PTPRK: variants seen among roughly 807,000 people sequenced by gnomAD.
The protein encoded by PTPRK is protein tyrosine phosphatase receptor type K.
Under a neutral mutation model 178.0 loss-of-function variants are expected in PTPRK, and 75 were observed. The ratio of observed to expected loss-of-function variants is 0.42; its 90% CI spans 0.35 to 0.51. The LOEUF is 0.51. Ranked by LOEUF, PTPRK falls within the 20% of genes least tolerant of loss-of-function variation. The probability of loss-of-function intolerance (pLI) is 0.02; values close to 1 mark genes in which losing one functional copy is unlikely to be tolerated. For synonymous variants in PTPRK, 637 were observed against 620.6 expected (o/e 1.03, Z -0.39); for missense variants, 1,441 against 1,797.8 (o/e 0.80, Z 3.59).
intron 2 of PTPRK, among the ~76,000 whole-genome samples, chr6:128,380,972 C>A (rs937324492): frequency 6.6e-6 from 1 of 151,382 alleles, no homozygotes; most frequent in Non-Finnish European, 1.5e-5. Flanking sequence ...AAATATATGA[C>A]AATAAACTCT....
In PTPRK at chr6:127,976,907, A is replaced by G. The variant is rs1774670864; in HGVS notation, c.3843+16T>C. On this transcript the variant is annotated intron_variant, in intron 26 of 29. Coordinates refer to ENST00000368226, the MANE Select transcript of PTPRK (RefSeq NM_002844.4). ...AGTTGTATATAAGTACATAAAAGCA[A>G]TCCATAGCCATTAACCTGGGACAAG... The G allele has an allele frequency of 1.2e-6, 2 of 1,613,744 alleles. No individual in the cohort carries two copies. Among genetic ancestry groups the G allele is most frequent in the Non-Finnish European group, 1.7e-6 (2 of 1,179,970 alleles).
chr6:128,413,386 T>TGA (rs1842512581), intron 1 of PTPRK, among the ~76,000 whole-genome samples: 1 of 150,382 alleles, frequency 6.6e-6, no homozygotes, highest in South Asian at 2.1e-4. Flanking sequence ...TTATTTAAAA[T>TGA]GAAAAAAAAA....
chr6:128,099,186 A>C (rs1053537707), intron 7 of PTPRK, among the ~76,000 whole-genome samples: 25 of 149,336 alleles, frequency 1.7e-4, no homozygotes, highest in Non-Finnish European at 1.5e-4. Context: ...ATTTATATAT[A>C]TATATATATA....
chr6:128,096,333 CAAGAG>C (rs1787897026), intron 7 of PTPRK, among the ~76,000 whole-genome samples: 1 of 152,098 alleles, frequency 6.6e-6, no homozygotes, highest in Non-Finnish European at 1.5e-5. Flanking sequence ...AGTCACCTCT[CAAGAG>C]CAAGATGATT....
intron 1 of PTPRK, among the ~76,000 whole-genome samples, chr6:128,494,932 C>T (rs988662976): frequency 2.6e-5 from 4 of 152,148 alleles, no homozygotes; most frequent in Non-Finnish European, 5.9e-5. Flanking sequence ...AAAGCCTTTG[C>T]TATTCTCACA....
intron 7 of PTPRK, among the ~76,000 whole-genome samples, chr6:128,177,765 C>A (rs914024726): frequency 2.6e-5 from 4 of 151,816 alleles, no homozygotes; most frequent in East Asian, 3.9e-4. Context: ...GCTGGGAACT[C>A]CTAGCATAAT....
At chr6:128,233,230 C>G (rs984131779) in intron 5 of PTPRK, among the ~76,000 whole-genome samples, 1 of 152,142 alleles carries the variant, frequency 6.6e-6, no homozygotes. Context: ...CACTGTGAGC[C>G]GTAACTACTA....
chr6:127,973,402 T>C (rs1332623053), intron 28 of PTPRK, among the ~76,000 whole-genome samples: 1 of 152,204 alleles, frequency 6.6e-6, no homozygotes, highest in Non-Finnish European at 1.5e-5. Context: ...GAGATTCTGA[T>C]ATATTTGTAA....
intron 1 of PTPRK, among the ~76,000 whole-genome samples, chr6:128,468,481 G>A (rs532819076): frequency 6.6e-6 from 1 of 152,108 alleles, no homozygotes; most frequent in South Asian, 2.1e-4. Flanking sequence ...TATCAGTAAT[G>A]TTTATTTTCA....
chr6:128,041,676 T>C (rs1777184888), intron 13 of PTPRK, among the ~76,000 whole-genome samples: 1 of 151,974 alleles, frequency 6.6e-6, no homozygotes, highest in South Asian at 2.1e-4. Context: ...TGCTACTTCA[T>C]AATCAAAGTG....
At chr6:127,986,000 T>C in intron 21 of PTPRK, 125 bp from the exon 22 acceptor site, 1 of 862,542 alleles carries the variant, frequency 1.2e-6, no homozygotes. Flanking sequence ...CGAAAGACTA[T>C]GCCTTTTCTT....
At chr6:128,230,566 A>AT (rs1372596278) in intron 5 of PTPRK, among the ~76,000 whole-genome samples, 2 of 152,108 alleles carry the variant, frequency 1.3e-5, no homozygotes, top group African/African-American at 4.8e-5. Context: ...TTTGTGTGGT[A>AT]TTCTATACCT....
intron 1 of PTPRK, among the ~76,000 whole-genome samples, chr6:128,420,622 C>T (rs1461806754): frequency 6.6e-6 from 1 of 152,100 alleles, no homozygotes; most frequent in African/African-American, 2.4e-5. Context: ...ACAGAAAGTA[C>T]AAGCAAAGTG....
At chr6:127,998,511 A>G (rs1267722395) in intron 16 of PTPRK, among the ~76,000 whole-genome samples, 3 of 152,016 alleles carry the variant, frequency 2.0e-5, no homozygotes, top group African/African-American at 7.2e-5. Context: ...TAATAAATTT[A>G]GACTCATATA....
chr6:128,337,252 A>G (rs961624324), intron 2 of PTPRK, among the ~76,000 whole-genome samples: 1 of 152,122 alleles, frequency 6.6e-6, no homozygotes, highest in Admixed American at 6.6e-5. Flanking sequence ...CTTAAGGGCT[A>G]TTACCTCTCA....
intron 6 of PTPRK, among the ~76,000 whole-genome samples, chr6:128,192,980 C>T (rs1427735160): frequency 6.6e-6 from 1 of 151,782 alleles, no homozygotes; most frequent in Non-Finnish European, 1.5e-5. Flanking sequence ...TACGTAAATT[C>T]TACCTAGTCC....
intron 7 of PTPRK, among the ~76,000 whole-genome samples, chr6:128,135,078 TCACA>T (rs34254716): frequency 0.021 from 2,843 of 136,298 alleles, 31 homozygotes; most frequent in Non-Finnish European, 0.03. Flanking sequence ...AATCATTCAA[TCACA>T]CACACACACA....
chr6:128,375,131 T>C (rs1836870367), intron 2 of PTPRK, among the ~76,000 whole-genome samples: 1 of 149,504 alleles, frequency 6.7e-6, no homozygotes, highest in Non-Finnish European at 1.5e-5. Context: ...GGTATAAGCT[T>C]CTCTGGGGCA....
intron 5 of PTPRK, among the ~76,000 whole-genome samples, chr6:128,220,674 T>C (rs114948559): frequency 0.011 from 1,622 of 152,286 alleles, 29 homozygotes; most frequent in African/African-American, 0.037. Context: ...CACCAGTGTA[T>C]GTGGGATCAA....
Sources: allele counts gnomAD v4.1 joint callset (sites outside exome capture counted in the v4.1 genomes callset), GRCh38; gene constraint gnomAD v4.1.1; transcripts MANE v1.5; gene names NCBI Gene and HGNC (gene_info 2026-07-23, HGNC 2026-07-21).